The following GLYATL1 variants were observed in gnomAD, a reference collection of about 807,000 sequenced individuals.
GLYATL1 encodes the protein glycine-N-acyltransferase like 1, also known as glycine N-acyltransferase-like protein 1.
A neutral mutation model predicts 20.0 loss-of-function variants in GLYATL1; 15 were observed. The ratio of observed to expected loss-of-function variants is 0.75; its 90% CI spans 0.50 to 1.15. The LOEUF (loss-of-function observed/expected upper bound fraction) is 1.15. Ranked by LOEUF, GLYATL1 falls within the 50% of genes most tolerant of loss-of-function variation. The pLI is 0.00. For missense variants in GLYATL1, 380 were observed against 368.5 expected, an observed-to-expected ratio of 1.03 and a Z score of -0.26; for synonymous variants, 151 against 131.5, an observed-to-expected ratio of 1.15 and a Z score of -1.01.
At chr11:58,930,907 A>T (rs558531293) in intron 1 of GLYATL1, among the ~76,000 whole-genome samples, 3 of 152,300 alleles carry the variant, frequency 2.0e-5, no homozygotes, top group Admixed American at 6.5e-5. Flanking sequence ...CATCCCCCAC[A>T]ATTCATATGT....
chr11:58,910,466 C>T (rs184220456), downstream of GLYATL1, among the ~76,000 whole-genome samples: 31 of 152,276 alleles, frequency 2.0e-4, no homozygotes, highest in African/African-American at 6.7e-4. Flanking sequence ...TACAAATTCT[C>T]ATTTGCACTA....
chr11:58,908,525 G>A (rs1055396644), exon 2 of GLYATL1: 1 of 212,920 alleles, frequency 4.7e-6, no homozygotes, highest in Admixed American at 4.2e-5. Flanking sequence ...GATGACCAGA[G>A]GGCTAGACCT....
At position 58,943,505 on chromosome 11, in the gene GLYATL1, CTTTAAG is replaced by C. The variant is rs1438431841; in HGVS notation, c.-166-32_-166-27del. Reference sequence around the variant, plus strand: ...AATTGTTTGTTGCTTAATGAAACTCCTTTAAGTTTAATTCAGCTGAAGTTTTTCTTT... The same window carrying C: ...AATTGTTTGTTGCTTAATGAAACTCCTTTAATTCAGCTGAAGTTTTTCTTT... On this transcript the variant is annotated intron_variant, in intron 1 of 6. Coordinates refer to ENST00000532726, the MANE Select transcript of GLYATL1 (RefSeq NM_001389712.2). 3.2e-6 allele frequency: 5 copies of C among 1,567,004 alleles called. No individual in the cohort carries two copies. In the Admixed American group the frequency reaches 9.5e-5, roughly 30 times the overall value.
chr11:58,932,713 G>A (rs1855657308), intron 1 of GLYATL1, among the ~76,000 whole-genome samples: 1 of 152,126 alleles, frequency 6.6e-6, no homozygotes, highest in Non-Finnish European at 1.5e-5. Flanking sequence ...AAATTCAGCT[G>A]GATGTGTTTA....
chr11:58,948,632 C>T (rs1856755619), intron 4 of GLYATL1, among the ~76,000 whole-genome samples: 1 of 151,370 alleles, frequency 6.6e-6, no homozygotes, highest in Non-Finnish European at 1.5e-5. Context: ...CAGAGTGAGA[C>T]CCTGTTGTTT....
intron 1 of GLYATL1, among the ~76,000 whole-genome samples, chr11:58,921,012 T>C (rs899236028): frequency 5.3e-5 from 8 of 152,200 alleles, no homozygotes; most frequent in African/African-American, 1.9e-4. Flanking sequence ...AAGGCTTAGT[T>C]AGGTCTGGCA....
At chr11:58,917,033 A>G (rs1278757410) in intron 1 of GLYATL1, 6 of 152,220 alleles carry the variant, frequency 3.9e-5, no homozygotes, top group Non-Finnish European at 7.3e-5. Flanking sequence ...TTCATCTGCA[A>G]TGCAGTGGAA....
chr11:58,924,362 T>A (rs557306404), upstream of GLYATL1, among the ~76,000 whole-genome samples: 3 of 152,312 alleles, frequency 2.0e-5, no homozygotes, highest in Admixed American at 1.3e-4. Context: ...GTAATCAGAC[T>A]TAACCGGGGA....
chr11:58,948,437 G>A (rs1856741382), intron 4 of GLYATL1, among the ~76,000 whole-genome samples: 1 of 152,156 alleles, frequency 6.6e-6, no homozygotes, highest in Admixed American at 6.5e-5. Context: ...CCAGGAGTTT[G>A]AGACCAGCCT....
chr11:58,938,987 A>T (rs954920168), upstream of GLYATL1, among the ~76,000 whole-genome samples: 3 of 152,208 alleles, frequency 2.0e-5, no homozygotes, highest in African/African-American at 7.2e-5. Flanking sequence ...CTTGAGGCCG[A>T]CTGGAGCTAG....
intron 2 of GLYATL1, among the ~76,000 whole-genome samples, chr11:58,943,932 T>G (rs1300660357): frequency 6.7e-6 from 1 of 148,896 alleles, no homozygotes; most frequent in African/African-American, 2.5e-5. Flanking sequence ...GGGATTTTTG[T>G]GTTCTACCCC....
At chr11:58,921,669 C>A (rs939456747) in intron 1 of GLYATL1, among the ~76,000 whole-genome samples, 1 of 152,190 alleles carries the variant, frequency 6.6e-6, no homozygotes, top group African/African-American at 2.4e-5. Context: ...CATCCATGAC[C>A]CCTTGCAAAG....
intron 4 of GLYATL1, 26 bp downstream of exon 4, chr11:58,947,991 G>A (rs1856703261): frequency 6.6e-7 from 1 of 1,519,372 alleles, no homozygotes; most frequent in East Asian, 2.2e-5. Context: ...GGGACTGGTG[G>A]AGCCAGGCAG....
At chr11:58,925,984 A>C (rs1303720097), upstream of GLYATL1, among the ~76,000 whole-genome samples, 1 of 152,226 alleles carries the variant, frequency 6.6e-6, no homozygotes, top group African/African-American at 2.4e-5. Flanking sequence ...TGCAAAAGTT[A>C]AAAGATGTTT....
At chr11:58,919,786 AG>A (rs1404311637) in intron 1 of GLYATL1, among the ~76,000 whole-genome samples, 1 of 152,200 alleles carries the variant, frequency 6.6e-6, no homozygotes, top group Non-Finnish European at 1.5e-5. Flanking sequence ...GGCACAAGTT[AG>A]ACATTGTTCA....
At chr11:58,918,111 ATTAG>A (rs1271007802) in intron 1 of GLYATL1, among the ~76,000 whole-genome samples, 2 of 152,324 alleles carry the variant, frequency 1.3e-5, no homozygotes, top group East Asian at 3.9e-4. Flanking sequence ...AGTTAGAGCC[ATTAG>A]TTGAGTGGTG....
At chr11:58,912,242 C>T (rs991552384), downstream of GLYATL1, among the ~76,000 whole-genome samples, 9 of 152,176 alleles carry the variant, frequency 5.9e-5, no homozygotes, top group Non-Finnish European at 1.0e-4. Context: ...GTGCATTACT[C>T]TCTCCAAGGC....
chr11:58,909,918 C>G (rs1237856933), downstream of GLYATL1, among the ~76,000 whole-genome samples: 8 of 152,128 alleles, frequency 5.3e-5, no homozygotes, highest in Non-Finnish European at 1.2e-4. Flanking sequence ...TGTTCGGTCT[C>G]TATGTTCTGC....
chr11:58,947,441 C>T (rs1856655096), intron 3 of GLYATL1: 1 of 502,260 alleles, frequency 2.0e-6, no homozygotes, highest in Non-Finnish European at 3.5e-6. Flanking sequence ...GATATGCATT[C>T]CAAGGCTGCC....
Sources: gnomAD v4.1 joint callset for allele counts (sites outside exome capture counted in the v4.1 genomes callset) on GRCh38, gnomAD v4.1.1 for gene constraint, MANE v1.5 for transcripts, NCBI Gene and HGNC (gene_info 2026-07-23, HGNC 2026-07-21) for gene names.